CRHR2: variants seen among roughly 807,000 people sequenced by gnomAD.
The protein encoded by CRHR2 is corticotropin releasing hormone receptor 2.
CRHR2 carries 53 observed loss-of-function variants against 57.9 expected under a neutral mutation model. The ratio of observed to expected loss-of-function variants is 0.92; its 90% CI spans 0.73 to 1.15. The LOEUF (loss-of-function observed/expected upper bound fraction) is 1.15. Ranked by LOEUF, CRHR2 falls within the 50% of genes most tolerant of loss-of-function variation. The probability of loss-of-function intolerance (pLI) is 0.00; values close to 1 mark genes in which losing one functional copy is unlikely to be tolerated. For missense variants in CRHR2, 532 were observed against 542.6 expected (o/e 0.98, Z 0.19); for synonymous variants, 213 against 220.9 (o/e 0.96, Z 0.32).
intron 7 of CRHR2, among the ~76,000 whole-genome samples, chr7:30,661,040 G>C (rs1382463668): frequency 6.6e-6 from 1 of 152,234 alleles, no homozygotes; most frequent in Non-Finnish European, 1.5e-5. Flanking sequence ...GAAACCCGCT[G>C]TTCCGTGTGC....
chr7:30,683,672 C>A (rs1784794538), upstream of CRHR2, among the ~76,000 whole-genome samples: 1 of 152,186 alleles, frequency 6.6e-6, no homozygotes, highest in Admixed American at 6.5e-5. Context: ...TGAAATCTTC[C>A]CCGAGGCCCC....
chr7:30,685,656 C>A (rs1479235198), upstream of CRHR2, among the ~76,000 whole-genome samples: 1 of 152,154 alleles, frequency 6.6e-6, no homozygotes, highest in Non-Finnish European at 1.5e-5. Flanking sequence ...AACCATGGGA[C>A]TAAGCTGTGG....
At chr7:30,686,195 C>G (rs1246145674), upstream of CRHR2, among the ~76,000 whole-genome samples, 1 of 152,226 alleles carries the variant, frequency 6.6e-6, no homozygotes, top group African/African-American at 2.4e-5. Context: ...ATCCTTCAGA[C>G]ATGCAGCTCC....
At position 30,665,749 on chromosome 7, in the gene CRHR2, TC is replaced by T; in HGVS notation, c.316-111del. ...GTCCTGACCTTGGGGGCAGAAGTGC[TC>T]CAGGTGTCATTGCCGTGCCTGGCTC... On this transcript the variant is annotated intron_variant, in intron 3 of 11. Coordinates refer to ENST00000471646, the MANE Select transcript of CRHR2 (RefSeq NM_001883.5). The surrounding 1 kb of genome is among the most constrained non-coding windows in gnomAD (Gnocchi z 4.5). 2 of 846,006 alleles carry T rather than the reference TC, an allele frequency of 2.4e-6. No individual in the cohort carries two copies. The highest frequency in any genetic ancestry group is 3.7e-6 in the Non-Finnish European group (2 of 537,032). The allele number at this position is 846,006 out of a possible 1,614,324, so 52.4% of individuals were successfully genotyped here.
At chr7:30,699,901 C>T (rs1785135895) in intron 1 of CRHR2, 1 of 1,466,200 alleles carries the variant, frequency 6.8e-7, no homozygotes, top group Non-Finnish European at 9.1e-7. Flanking sequence ...GAGCTCCGTG[C>T]TCCTGGCGCC....
In CRHR2 at chr7:30,667,214, T is replaced by A; in HGVS notation, c.315+14A>T. The A allele has an allele frequency of 6.2e-7, 1 of 1,613,080 alleles. No individual in the cohort carries two copies. The highest frequency in any genetic ancestry group is 8.5e-7 in the Non-Finnish European group (1 of 1,179,088). ...GTGTGAGGCCTGGGGTCACAGCAGG[T>A]GAGGGCCACTCACCTTGTCATCCAA... On this transcript the variant is annotated intron_variant, in intron 3 of 11. Coordinates refer to ENST00000471646, the MANE Select transcript of CRHR2 (RefSeq NM_001883.5).
chr7:30,688,961 G>T, intron 2 of CRHR2: 1 of 632,712 alleles, frequency 1.6e-6, no homozygotes, highest in Non-Finnish European at 2.9e-6. Flanking sequence ...CTGGGAATGG[G>T]GAGTGGCCTC....
At chr7:30,657,352 C>A (rs1272913005) in intron 8 of CRHR2, among the ~76,000 whole-genome samples, 1 of 152,114 alleles carries the variant, frequency 6.6e-6, no homozygotes, top group African/African-American at 2.4e-5. Context: ...AGTGGTATGG[C>A]CTGGGGGTCC....
Position 30,653,862 on chromosome 7 carries a change from T to G in CRHR2, c.1096-262A>C, listed in dbSNP as rs1361857702. On this transcript the variant is annotated intron_variant, in intron 11 of 11. Transcript: ENST00000471646. The surrounding 1 kb of genome is among the most constrained non-coding windows in gnomAD (Gnocchi z 5.0). ...ATCATCCAGTTTCCTCTGGACACAC[T>G]GCCTTCCCTTCCCTGACTCACTCTG... Among the ~76,000 whole-genome samples the G allele has an allele frequency of 1.3e-5, 2 of 152,164 alleles. No homozygotes were observed. Among genetic ancestry groups the G allele is most frequent in the Non-Finnish European group, 2.9e-5 (2 of 68,018 alleles).
intron 5 of CRHR2, among the ~76,000 whole-genome samples, chr7:30,663,118 G>C (rs1259810936): frequency 6.6e-6 from 1 of 152,172 alleles, no homozygotes; most frequent in Non-Finnish European, 1.5e-5. Flanking sequence ...CTAGTAAAGA[G>C]AGCAAGAGTC....
Position 30,662,805 on chromosome 7 carries a change from C to T in CRHR2, c.586G>A (p.Val196Met). ...ACAAACATCCAGAAGAAGTTGGTCA[C>T]CACGAAGTAGTTGAAGATGGTGGTG... ...CITTIFNYFV[V>M]TNFFWMFVEG... The change falls in exon 6 of 12, where the codon GTG becomes ATG. Residue 196 changes from valine (V) to methionine (M), a missense_variant. Val to Met is a conservative substitution (Grantham distance 21). Transcript: ENST00000471646. The T allele has an allele frequency of 6.2e-7, 1 of 1,614,214 alleles. No homozygotes were observed. The highest frequency in any genetic ancestry group is 8.5e-7 in the Non-Finnish European group (1 of 1,180,038).
chr7:30,655,072 G>T lies in CRHR2; in HGVS notation c.1062C>A (p.Phe354Leu). ...TGAAGAAGCAGTAGAAGACAGACAC[G>T]AAGAAACCCTGGAAAGGAGGGAAAG... ...NSFLQSFQGF[F>L]VSVFYCFFNG... The change falls in exon 11 of 12, where the codon TTC becomes TTA. Residue 354 changes from phenylalanine to leucine, a missense_variant. Transcript: ENST00000471646. 1 of 1,613,474 alleles carries T rather than the reference G, an allele frequency of 6.2e-7. No individual in the cohort carries two copies. The highest frequency in any genetic ancestry group is 8.5e-7 in the Non-Finnish European group (1 of 1,179,690).
chr7:30,677,736 C>T (rs1288900196), intron 2 of CRHR2, among the ~76,000 whole-genome samples: 1 of 152,184 alleles, frequency 6.6e-6, no homozygotes, highest in Admixed American at 6.5e-5. Context: ...CAGATGGAGA[C>T]AGGGAGAAAG....
intron 2 of CRHR2, among the ~76,000 whole-genome samples, chr7:30,681,201 T>C (rs1784694456): frequency 6.6e-6 from 1 of 152,040 alleles, no homozygotes; most frequent in Non-Finnish European, 1.5e-5. Flanking sequence ...CAGTCCATGA[T>C]TTGCCAGGAG....
chr7:30,655,145 G>GT, intron 10 of CRHR2, 65 bp from the exon 11 acceptor site: 1 of 1,558,088 alleles, frequency 6.4e-7, no homozygotes, highest in South Asian at 1.2e-5. Flanking sequence ...GCCTGGTGGG[G>GT]TGGCACTGGG....
At position 30,681,934 on chromosome 7, in the gene CRHR2, G is replaced by T. The variant is rs774405077; in HGVS notation, c.210C>A (p.Gly70=). ...VERPCPEYFN[G]VKYNTTRNAY... The stretch of plus-strand genomic sequence containing the variant: ...ACTCACGGGTCGTGTTGTACTTGAC[G>T]CCGTTGAAGTACTCGGGGCACGGCC... Residue 70 remains glycine (G), a synonymous_variant, in exon 2 of 12, where the codon GGC becomes GGA. Coordinates refer to ENST00000471646, the MANE Select transcript of CRHR2 (RefSeq NM_001883.5). 1.9e-6 allele frequency: 3 copies of T among 1,612,082 alleles called. No homozygotes were observed. The East Asian group carries it at 6.7e-5, about 36-fold the overall frequency.
intron 2 of CRHR2, among the ~76,000 whole-genome samples, chr7:30,688,644 T>C (rs1340168569): frequency 6.6e-6 from 1 of 151,980 alleles, no homozygotes; most frequent in African/African-American, 2.4e-5. Flanking sequence ...GATGCAGACC[T>C]GGGAAGGCCA....
intron 1 of CRHR2, among the ~76,000 whole-genome samples, chr7:30,690,510 A>T (rs961332274): frequency 6.6e-6 from 1 of 151,986 alleles, no homozygotes; most frequent in Non-Finnish European, 1.5e-5. Context: ...TCCAGAAGAC[A>T]CTGCTCCATC....
chr7:30,654,990 G>A (rs1219069538), intron 11 of CRHR2, 49 bp downstream of exon 11: 2 of 1,601,162 alleles, frequency 1.2e-6, no homozygotes, highest in Admixed American at 1.7e-5. Context: ...CTGGAGTGGG[G>A]TCTGAGGACC....
Sources: gnomAD v4.1 joint callset for allele counts (sites outside exome capture counted in the v4.1 genomes callset) on GRCh38, gnomAD v4.1.1 for gene constraint, Gnocchi (gnomAD v3.1) non-coding constraint, MANE v1.5 for transcripts, NCBI Gene and HGNC (gene_info 2026-07-23, HGNC 2026-07-21) for gene names.